PTGR3: variants seen among roughly 807,000 people sequenced by gnomAD.
The protein encoded by PTGR3 is prostaglandin reductase 3.
the PTGR3 span, chr18:75,197,259 C>T: frequency 6.6e-6 from 1 of 152,182 alleles, no homozygotes; most frequent in African/African-American, 2.4e-5. Flanking sequence ...TTTTAAATAA[C>T]TGAGTGTAGC....
At chr18:75,204,760 G>A in the PTGR3 span, among the ~76,000 whole-genome samples, 1 of 152,082 alleles carries the variant, frequency 6.6e-6, no homozygotes, top group Non-Finnish European at 1.5e-5. Context: ...CGGCCTCTCC[G>A]GGTCGGGCGG....
At chr18:75,204,707 G>A in the PTGR3 span, among the ~76,000 whole-genome samples, 9 of 152,202 alleles carry the variant, frequency 5.9e-5, no homozygotes, top group East Asian at 1.4e-3. Context: ...CAGGCCCGGC[G>A]CCGCGGTGGA....
chr18:75,205,073 T>C, the PTGR3 span: 4 of 867,324 alleles, frequency 4.6e-6, no homozygotes, highest in East Asian at 1.2e-4. Flanking sequence ...CGCTGTCTCC[T>C]TGGTCTCCCT....
At chr18:75,201,535 G>C in the PTGR3 span, 2 of 1,614,130 alleles carry the variant, frequency 1.2e-6, no homozygotes, top group Non-Finnish European at 1.7e-6. Flanking sequence ...CTGCCCTCTG[G>C]AGACAGATCT....
chr18:75,202,874 T>C, the PTGR3 span, among the ~76,000 whole-genome samples: 1 of 152,150 alleles, frequency 6.6e-6, no homozygotes, highest in Admixed American at 6.5e-5. Flanking sequence ...GTAATGACAA[T>C]GATATTATTA....
the PTGR3 span, chr18:75,202,389 G>A: frequency 2.6e-6 from 4 of 1,545,310 alleles, no homozygotes; most frequent in Non-Finnish European, 2.6e-6. Context: ...TTTTTGTTAG[G>A]CATTTAGATT....
the PTGR3 span, chr18:75,201,217 G>A: frequency 1.2e-5 from 7 of 572,770 alleles, no homozygotes; most frequent in Non-Finnish European, 2.1e-5. Context: ...ATGGAGGGAA[G>A]TTTTATTAGC....
chr18:75,200,186 A>T, the PTGR3 span: 1 of 152,174 alleles, frequency 6.6e-6, no homozygotes. Flanking sequence ...CGCAACGGTG[A>T]CAGCGGCAGC....
At chr18:75,205,489 G>A in the PTGR3 span, 1 of 985,286 alleles carries the variant, frequency 1.0e-6, no homozygotes, top group Non-Finnish European at 1.2e-6. Flanking sequence ...AAAAGAATAG[G>A]ACCGGCGCAG....
the PTGR3 span, among the ~76,000 whole-genome samples, chr18:75,205,728 AAAAAAGAAAGAAAGAAAAG>A: frequency 2.0e-5 from 3 of 151,904 alleles, no homozygotes; most frequent in South Asian, 2.1e-4. Flanking sequence ...GAAAAAAAAG[AAAAAAGAAAGAAAGAAAAG>A]AAAAAGAAAG....
chr18:75,203,414 T>C, the PTGR3 span, among the ~76,000 whole-genome samples: 2 of 152,238 alleles, frequency 1.3e-5, no homozygotes, highest in African/African-American at 4.8e-5. Context: ...TTAAAAGGAA[T>C]TCACTTTTAA....
At chr18:75,205,136 T>G in the PTGR3 span, 1 of 984,860 alleles carries the variant, frequency 1.0e-6, no homozygotes, top group African/African-American at 1.7e-5. Context: ...TTGACGCGGC[T>G]TCGCCCCCGC....
chr18:75,208,690 G>A, the PTGR3 span, among the ~76,000 whole-genome samples: 1 of 152,012 alleles, frequency 6.6e-6, no homozygotes, highest in Non-Finnish European at 1.5e-5. Flanking sequence ...GCCAGATGGC[G>A]GCGGGTTCAA....
At chr18:75,202,003 C>G in the PTGR3 span, 3 of 1,614,208 alleles carry the variant, frequency 1.9e-6, no homozygotes, top group African/African-American at 4.0e-5. Context: ...CCCGTTCCCC[C>G]AGCTGCTGCT....
the PTGR3 span, chr18:75,205,514 T>C: frequency 5.2e-5 from 51 of 983,986 alleles, no homozygotes; most frequent in Non-Finnish European, 5.8e-5. Context: ...TCTCCAAATC[T>C]GTACCCTTCT....
the PTGR3 span, chr18:75,208,796 G>T: frequency 7.5e-7 from 1 of 1,338,454 alleles, no homozygotes; most frequent in Non-Finnish European, 9.6e-7. Flanking sequence ...GGCGCGGCGC[G>T]GCGCGAGCCC....
chr18:75,202,212 G>C, the PTGR3 span: 27 of 1,614,044 alleles, frequency 1.7e-5, no homozygotes, highest in Non-Finnish European at 2.3e-5. Context: ...TGTGTATCTG[G>C]CACTAGCAGA....
At chr18:75,203,179 G>A in the PTGR3 span, among the ~76,000 whole-genome samples, 1 of 152,060 alleles carries the variant, frequency 6.6e-6, no homozygotes, top group Non-Finnish European at 1.5e-5. Context: ...CTTGGTATCC[G>A]GAGTCAATTT....
the PTGR3 span, chr18:75,201,305 G>A: frequency 1.0e-6 from 1 of 971,068 alleles, no homozygotes; most frequent in Non-Finnish European, 1.5e-6. Flanking sequence ...CCTTACTTTT[G>A]TTTTAAGAAA....
Sources: allele counts gnomAD v4.1 joint callset (sites outside exome capture counted in the v4.1 genomes callset), GRCh38; gene constraint gnomAD v4.1.1; transcripts MANE v1.5; gene names NCBI Gene and HGNC (gene_info 2026-07-23, HGNC 2026-07-21).